LRRTM4: variants seen among roughly 807,000 people sequenced by gnomAD.
The protein encoded by LRRTM4 is leucine rich repeat transmembrane neuronal 4.
Under a neutral mutation model 47.6 loss-of-function variants are expected in LRRTM4, and 25 were observed. That is an observed-to-expected ratio of 0.53 (90% confidence interval 0.38 to 0.73). The LOEUF is 0.73. Ranked by LOEUF, LRRTM4 falls within the 30% of genes least tolerant of loss-of-function variation. The probability of loss-of-function intolerance (pLI) is 0.00; values close to 1 mark genes in which losing one functional copy is unlikely to be tolerated. For synonymous variants in LRRTM4, 311 were observed against 269.5 expected (o/e 1.15, Z -1.51); for missense variants, 638 against 713.4 (o/e 0.89, Z 1.20).
At chr2:76,861,312 G>A (rs1324940566) in intron 3 of LRRTM4, among the ~76,000 whole-genome samples, 1 of 151,970 alleles carries the variant, frequency 6.6e-6, no homozygotes, top group Non-Finnish European at 1.5e-5. Context: ...CTAAAAGACT[G>A]CATTATTTTT....
chr2:76,826,736 A>G (rs1015302903), intron 3 of LRRTM4, among the ~76,000 whole-genome samples: 5 of 151,818 alleles, frequency 3.3e-5, no homozygotes, highest in Non-Finnish European at 7.4e-5. Flanking sequence ...GTCACCAGGA[A>G]ATATGGGCAT....
At chr2:77,027,165 A>T (rs768708712) in intron 3 of LRRTM4, among the ~76,000 whole-genome samples, 2 of 151,974 alleles carry the variant, frequency 1.3e-5, no homozygotes, top group Admixed American at 6.6e-5. Context: ...ACTAGACATA[A>T]ATCTCCTTTT....
intron 3 of LRRTM4, among the ~76,000 whole-genome samples, chr2:76,830,108 C>G (rs1671305365): frequency 6.6e-6 from 1 of 152,010 alleles, no homozygotes; most frequent in Admixed American, 6.6e-5. Flanking sequence ...AACACCTCAT[C>G]ATTTTACATG....
chr2:77,491,445 C>T (rs948522057), intron 3 of LRRTM4, among the ~76,000 whole-genome samples: 8 of 151,722 alleles, frequency 5.3e-5, no homozygotes, highest in Admixed American at 3.3e-4. Flanking sequence ...ACATTCCAAA[C>T]AATATCAATC....
intron 3 of LRRTM4, among the ~76,000 whole-genome samples, chr2:77,196,950 A>G (rs999837589): frequency 6.6e-5 from 10 of 152,134 alleles, no homozygotes; most frequent in African/African-American, 2.4e-4. Flanking sequence ...TCAAGTGCTT[A>G]CCAATTTTTT....
At chr2:76,887,199 G>A (rs1673104192) in intron 3 of LRRTM4, among the ~76,000 whole-genome samples, 1 of 151,582 alleles carries the variant, frequency 6.6e-6, no homozygotes, top group African/African-American at 2.4e-5. Flanking sequence ...TATTTTGAAT[G>A]ACCTGTTTAA....
chr2:76,992,465 G>A (rs528091299), intron 3 of LRRTM4, among the ~76,000 whole-genome samples: 6 of 151,666 alleles, frequency 4.0e-5, no homozygotes, highest in South Asian at 2.1e-4. Context: ...TAAAAAATCA[G>A]TGTTGTATCT....
chr2:76,905,422 A>C (rs182709386), intron 3 of LRRTM4, among the ~76,000 whole-genome samples: 1 of 152,180 alleles, frequency 6.6e-6, no homozygotes, highest in Non-Finnish European at 1.5e-5. Flanking sequence ...GAAATACTGG[A>C]AACTCTAAAA....
rs780275465 is a variant in LRRTM4, at chr2:77,043,508, C to G, written c.1552-294592G>C. Among the ~76,000 whole-genome samples the G allele has an allele frequency of 2.7e-4, 41 of 151,666 alleles. 1 individual carries two copies. Among genetic ancestry groups the G allele is most frequent in the Admixed American group, 1.1e-3 (17 of 15,146 alleles). ...ACAAACATGCCTAAAGATGCCTAAA[C>G]GAATGTCATTGTGTTCAATTTATGT... On this transcript the variant is annotated intron_variant, in intron 3 of 3. Coordinates refer to ENST00000409884, the MANE Select transcript of LRRTM4 (RefSeq NM_001134745.3).
chr2:77,008,343 TA>T lies in LRRTM4; in HGVS notation c.1552-259428del, dbSNP rs1395809904. On this transcript the variant is annotated intron_variant, in intron 3 of 3. Transcript: ENST00000409884. ...CTGATAATTGTAATATGTATTTTTT[TA>T]AATAAATTCAAGCCAAATTCCTAAA... Among the ~76,000 whole-genome samples the T allele has an allele frequency of 9.2e-5, 14 of 152,250 alleles. No homozygotes were observed. The South Asian group carries it at 1.2e-3, about 14-fold the overall frequency.
intron 3 of LRRTM4, among the ~76,000 whole-genome samples, chr2:76,976,237 A>G (rs971933540): frequency 2.0e-5 from 3 of 151,806 alleles, no homozygotes; most frequent in African/African-American, 7.2e-5. Context: ...GCCTTCAGTA[A>G]TAACACAATA....
At chr2:77,086,750 C>T (rs1680730883) in intron 3 of LRRTM4, among the ~76,000 whole-genome samples, 1 of 152,096 alleles carries the variant, frequency 6.6e-6, no homozygotes, top group Admixed American at 6.5e-5. Flanking sequence ...CTGCCACAGC[C>T]TCCCAAAGTG....
At chr2:76,915,619 A>G (rs1674216848) in intron 3 of LRRTM4, among the ~76,000 whole-genome samples, 2 of 152,172 alleles carry the variant, frequency 1.3e-5, no homozygotes, top group Admixed American at 6.5e-5. Context: ...CCAAGACACA[A>G]AAGAGTCACC....
At chr2:76,797,134 G>A (rs565582799) in intron 3 of LRRTM4, among the ~76,000 whole-genome samples, 120 of 152,060 alleles carry the variant, frequency 7.9e-4, no homozygotes, top group African/African-American at 2.5e-3. Context: ...GATACTCCTC[G>A]AGAAGAGCTA....
chr2:76,974,253 TAC>T lies in LRRTM4; in HGVS notation c.1552-225339_1552-225338del, dbSNP rs79455132. 2.8e-3 allele frequency among the ~76,000 whole-genome samples: 385 copies of T among 137,522 alleles called. 5 individuals carry two copies. Among genetic ancestry groups the T allele is most frequent in the African/African-American group, 7.9e-3 (268 of 33,986 alleles). The allele number at this position is 137,522 out of a possible 152,430, so 90.2% of individuals were successfully genotyped here. ...ATATATATATATACATATATATATA[TAC>T]ACACACATACATATATATATGGATT... is the stretch of plus-strand genomic sequence containing the variant. On this transcript the variant is annotated intron_variant, in intron 3 of 3. Transcript: ENST00000409884.
chr2:77,280,000 C>G (rs1002684502), intron 3 of LRRTM4, among the ~76,000 whole-genome samples: 2 of 151,978 alleles, frequency 1.3e-5, no homozygotes, highest in African/African-American at 4.8e-5. Context: ...ATCTCCAGAA[C>G]CTATGACCAT....
intron 3 of LRRTM4, among the ~76,000 whole-genome samples, chr2:76,791,413 T>C (rs1276285012): frequency 6.6e-6 from 1 of 152,198 alleles, no homozygotes; most frequent in Non-Finnish European, 1.5e-5. Context: ...GTAAGTTTCA[T>C]ACATAATTAT....
At chr2:77,363,756 C>G (rs1027604282) in intron 3 of LRRTM4, among the ~76,000 whole-genome samples, 1 of 152,032 alleles carries the variant, frequency 6.6e-6, no homozygotes, top group African/African-American at 2.4e-5. Context: ...ATGTGAAGAC[C>G]ACAGCTCTAA....
chr2:77,012,526 C>G (rs1481723918), intron 3 of LRRTM4, among the ~76,000 whole-genome samples: 2 of 152,180 alleles, frequency 1.3e-5, no homozygotes, highest in Admixed American at 6.5e-5. Flanking sequence ...AGAGAATCAC[C>G]TGCAGAGCCT....
Sources: gnomAD v4.1 joint callset for allele counts (sites outside exome capture counted in the v4.1 genomes callset) on GRCh38, gnomAD v4.1.1 for gene constraint, MANE v1.5 for transcripts, NCBI Gene and HGNC (gene_info 2026-07-23, HGNC 2026-07-21) for gene names.